The following ALPK1 variants were observed in gnomAD, a reference collection of about 807,000 sequenced individuals.
ALPK1 encodes the protein alpha kinase 1.
Under a neutral mutation model 120.6 loss-of-function variants are expected in ALPK1, and 110 were observed. The ratio of observed to expected loss-of-function variants is 0.91; its 90% CI spans 0.78 to 1.07. ALPK1 has a LOEUF of 1.07. Ranked by LOEUF, ALPK1 falls within the 50% of genes least tolerant of loss-of-function variation. The probability of loss-of-function intolerance (pLI) is 0.00; values close to 1 mark genes in which losing one functional copy is unlikely to be tolerated. For synonymous variants in ALPK1, 582 were observed against 560.3 expected (o/e 1.04, Z -0.55); for missense variants, 1,498 against 1,483.9 (o/e 1.01, Z -0.16).
In ALPK1 at chr4:112,382,508, A is replaced by G. The variant is rs939759067; in HGVS notation, c.232A>G (p.Thr78Ala). Residue 78 changes from threonine to alanine, a missense_variant, in exon 4 of 16, where the codon ACA becomes GCA. By Grantham distance (58) the Thr-to-Ala change is moderately conservative. Transcript: ENST00000650871. ...ACAAGCCGTGGGCCCAGAGGACAAAACAAACCTGAAGGATGTGATTGGCGC... is the reference window on the plus strand; with the variant it reads ...ACAAGCCGTGGGCCCAGAGGACAAAGCAAACCTGAAGGATGTGATTGGCGC... The part of the protein sequence containing the change: ...YKQAVGPEDK[T>A]NLKDVIGAGL... 1 of 1,614,112 alleles carries G rather than the reference A, an allele frequency of 6.2e-7. No homozygotes were observed.
chr4:112,314,020 C>G (rs897439651), intron 1 of ALPK1, among the ~76,000 whole-genome samples: 1 of 152,182 alleles, frequency 6.6e-6, no homozygotes, highest in African/African-American at 2.4e-5. Context: ...AGAGCAAAAG[C>G]TTGACGATGT....
At chr4:112,412,961 A>T (rs1314741295) in intron 5 of ALPK1, among the ~76,000 whole-genome samples, 2 of 152,246 alleles carry the variant, frequency 1.3e-5, no homozygotes, top group Admixed American at 6.5e-5. Flanking sequence ...GAAATGGGCT[A>T]GTGGAGGTTA....
rs1175829769 is a variant in ALPK1, at chr4:112,435,235, A to G, written c.3122A>G (p.Lys1041Arg). The G allele has an allele frequency of 1.2e-6, 2 of 1,613,788 alleles. No individual in the cohort carries two copies. The highest frequency in any genetic ancestry group is 4.5e-5 in the East Asian group (2 of 44,880). ...IVYLGDYLTV[K>R]KKGRQRNAFW... The stretch of plus-strand genomic sequence containing the variant: ...TATTTGGGGGACTACTTGACTGTGA[A>G]GAAAAAAGGCAGACAAAGAAATGCT... The change falls in exon 12 of 16, where the codon AAG (lysine) becomes AGG (arginine). Residue 1041 changes from lysine (K) to arginine (R), a missense_variant. Lys to Arg is a conservative substitution (Grantham distance 26). Coordinates refer to ENST00000650871, the MANE Select transcript of ALPK1 (RefSeq NM_025144.4).
chr4:112,336,630 T>C (rs902602068), intron 2 of ALPK1, among the ~76,000 whole-genome samples: 35 of 152,208 alleles, frequency 2.3e-4, no homozygotes, highest in African/African-American at 8.0e-4. Flanking sequence ...CCATTTCTTA[T>C]TAAATATGTA....
At chr4:112,333,608 G>T (rs1225127117) in intron 2 of ALPK1, among the ~76,000 whole-genome samples, 1 of 152,150 alleles carries the variant, frequency 6.6e-6, no homozygotes, top group Non-Finnish European at 1.5e-5. Context: ...ACCAGAACTA[G>T]CGCATTTACC....
intron 4 of ALPK1, among the ~76,000 whole-genome samples, chr4:112,385,737 C>T (rs1279130305): frequency 3.3e-5 from 5 of 152,014 alleles, no homozygotes; most frequent in African/African-American, 1.2e-4. Flanking sequence ...CCAATCTGGT[C>T]GATTTCAATA....
At chr4:112,419,114 C>A (rs959849974) in intron 5 of ALPK1, among the ~76,000 whole-genome samples, 1 of 152,124 alleles carries the variant, frequency 6.6e-6, no homozygotes, top group African/African-American at 2.4e-5. Flanking sequence ...TAGTTAGCAA[C>A]AAAACCTAAT....
intron 2 of ALPK1, among the ~76,000 whole-genome samples, chr4:112,324,293 C>T (rs1361368165): frequency 6.7e-6 from 1 of 148,296 alleles, no homozygotes; most frequent in African/African-American, 2.5e-5. Context: ...TGCCACTGCA[C>T]TCCAGCCTGG....
chr4:112,349,266 A>G (rs576258348), intron 2 of ALPK1, among the ~76,000 whole-genome samples: 1 of 152,346 alleles, frequency 6.6e-6, no homozygotes, highest in Admixed American at 6.5e-5. Flanking sequence ...TACTGGAAAA[A>G]TATCAGGAAC....
chr4:112,411,611 T>C (rs1733466582), intron 4 of ALPK1: 2 of 589,284 alleles, frequency 3.4e-6, no homozygotes, highest in Non-Finnish European at 3.0e-6. Flanking sequence ...TTTATAAATG[T>C]AATGGGGGAA....
chr4:112,395,026 G>A (rs978240117), intron 4 of ALPK1, among the ~76,000 whole-genome samples: 1 of 152,132 alleles, frequency 6.6e-6, no homozygotes, highest in African/African-American at 2.4e-5. Flanking sequence ...ATATCTGACT[G>A]TGTTTATATG....
At chr4:112,372,644 T>A (rs892484156) in intron 2 of ALPK1, among the ~76,000 whole-genome samples, 1 of 152,234 alleles carries the variant, frequency 6.6e-6, no homozygotes, top group African/African-American at 2.4e-5. Context: ...ACTTAAAATC[T>A]ACTCTCTTAG....
At chr4:112,335,985 A>C (rs1278421763) in intron 2 of ALPK1, among the ~76,000 whole-genome samples, 2 of 150,442 alleles carry the variant, frequency 1.3e-5, no homozygotes, top group Non-Finnish European at 3.0e-5. Context: ...ATTCTGAAAA[A>C]ATAAATGAAC....
chr4:112,310,660 T>C (rs909203215), intron 1 of ALPK1, among the ~76,000 whole-genome samples: 2 of 152,148 alleles, frequency 1.3e-5, no homozygotes, highest in Admixed American at 1.3e-4. Context: ...GTATCAGCTT[T>C]GTCTCTTCCT....
rs530614212 is a variant in ALPK1 at position 112,399,644 on chromosome 4, A to G, written c.277-12183A>G. Among the ~76,000 whole-genome samples the G allele has an allele frequency of 1.6e-3, 246 of 152,210 alleles. 1 individual carries two copies. Among genetic ancestry groups the G allele is most frequent in the African/African-American group, 5.5e-3 (230 of 41,540 alleles). On this transcript the variant is annotated intron_variant, in intron 4 of 15. Coordinates refer to ENST00000650871, the MANE Select transcript of ALPK1 (RefSeq NM_025144.4). ...TGTACAGAACGTGCAGGTTTGTTAC[A>G]TAGGTATACATGTGCCATGGTGGTT...
At chr4:112,411,782 C>A in intron 4 of ALPK1, 45 bp from the exon 5 acceptor site, 2 of 1,559,538 alleles carry the variant, frequency 1.3e-6, no homozygotes, top group South Asian at 2.3e-5. Flanking sequence ...CCTCAGCCTG[C>A]CAGCGTTTCC....
intron 5 of ALPK1, among the ~76,000 whole-genome samples, chr4:112,412,609 G>C (rs6825759): frequency 0.11 from 17,246 of 152,038 alleles, 1,074 homozygotes; most frequent in African/African-American, 0.16. Flanking sequence ...AGAGGGCTGG[G>C]GGGAGGGGGG....
At chr4:112,377,334 CAG>C (rs1207681639) in intron 2 of ALPK1, among the ~76,000 whole-genome samples, 1 of 152,184 alleles carries the variant, frequency 6.6e-6, no homozygotes, top group Non-Finnish European at 1.5e-5. Context: ...TTCTAGAGAG[CAG>C]AGAGTGTGGT....
chr4:112,415,609 C>A (rs970460386), intron 5 of ALPK1, among the ~76,000 whole-genome samples: 1 of 151,204 alleles, frequency 6.6e-6, no homozygotes, highest in African/African-American at 2.4e-5. Flanking sequence ...TGCACTCCAG[C>A]CTGGGTTACA....
Sources: gnomAD v4.1 joint callset for allele counts (sites outside exome capture counted in the v4.1 genomes callset) on GRCh38, gnomAD v4.1.1 for gene constraint, MANE v1.5 for transcripts, NCBI Gene and HGNC (gene_info 2026-07-23, HGNC 2026-07-21) for gene names.